Variants in TIAM1 observed in about 807,000 individuals in gnomAD.
TIAM1 encodes TIAM Rac1 associated GEF 1, also known as rho guanine nucleotide exchange factor TIAM1.
Under a neutral mutation model 163.5 loss-of-function variants are expected in TIAM1, and 65 were observed. The observed-to-expected ratio is 0.40, with a 90% CI of 0.33 to 0.49. The LOEUF is 0.49. Ranked by LOEUF, TIAM1 falls within the 20% of genes least tolerant of loss-of-function variation. The pLI, the probability that TIAM1 is intolerant of heterozygous loss-of-function variation, is 0.77. For synonymous variants in TIAM1, 833 were observed against 810.1 expected (o/e 1.03, Z -0.48); for missense variants, 1,789 against 2,044.7 (o/e 0.87, Z 2.41).
chr21:31,507,956 T>C (rs988747329), intron 1 of TIAM1, among the ~76,000 whole-genome samples: 6 of 152,178 alleles, frequency 3.9e-5, no homozygotes, highest in African/African-American at 1.4e-4. Context: ...ATAATCAAGT[T>C]AAGATGAAGT....
intron 1 of TIAM1, among the ~76,000 whole-genome samples, chr21:31,516,233 G>A (rs776637891): frequency 6.6e-6 from 1 of 151,712 alleles, no homozygotes; most frequent in Non-Finnish European, 1.5e-5. Flanking sequence ...CCAACATGGT[G>A]AAACCCCATC....
intron 1 of TIAM1, among the ~76,000 whole-genome samples, chr21:31,483,688 T>C (rs1358172037): frequency 6.6e-6 from 1 of 152,074 alleles, no homozygotes; most frequent in Non-Finnish European, 1.5e-5. Flanking sequence ...CTAGCTGATA[T>C]CGCAAGAGGC....
chr21:31,166,854 C>T (rs941471426), intron 15 of TIAM1, among the ~76,000 whole-genome samples: 14 of 152,162 alleles, frequency 9.2e-5, no homozygotes, highest in Admixed American at 6.5e-5. Context: ...CAACAGCACT[C>T]AGTGCTCTGA....
chr21:31,463,089 G>A (rs367833535), intron 2 of TIAM1, among the ~76,000 whole-genome samples: 2 of 152,154 alleles, frequency 1.3e-5, no homozygotes, highest in South Asian at 2.1e-4. Context: ...GGCTGGGGAC[G>A]CAGGCTGTGG....
chr21:31,499,378 G>A (rs62222865), intron 1 of TIAM1, among the ~76,000 whole-genome samples: 46,598 of 151,360 alleles, frequency 0.31, 8,037 homozygotes, highest in East Asian at 0.71. Context: ...TGGGCAACAC[G>A]GTGAAATCGC....
Position 31,228,212 on chromosome 21 carries a change from CCTTT to C in TIAM1, c.1585-2266_1585-2263del, listed in dbSNP as rs1268922689. 6.9e-4 allele frequency among the ~76,000 whole-genome samples: 13 copies of C among 18,812 alleles called. No homozygotes were observed. The Admixed American group carries it at 0.011, about 16-fold the overall frequency. 12.3% of individuals were successfully genotyped at this position (18,812 alleles called of 152,430 possible). On this transcript the variant is annotated intron_variant, in intron 6 of 27. Coordinates refer to ENST00000541036, the MANE Select transcript of TIAM1 (RefSeq NM_001353694.2). ...AGGTGTGAGCCACCATGCCCGGCCTCCTTTTTTTAAAAAAAAAAAAAAAAAAAAA... is the reference window on the plus strand; with the variant it reads ...AGGTGTGAGCCACCATGCCCGGCCTCTTTTAAAAAAAAAAAAAAAAAAAAA...
chr21:31,465,470 T>C (rs2045489193), intron 1 of TIAM1, among the ~76,000 whole-genome samples: 1 of 152,082 alleles, frequency 6.6e-6, no homozygotes, highest in African/African-American at 2.4e-5. Context: ...GAGTAAAAGC[T>C]GAGGCAGATT....
chr21:31,222,696 TATATATATATA>T (rs1383366487), intron 8 of TIAM1, among the ~76,000 whole-genome samples: 527 of 39,712 alleles, frequency 0.013, 1 homozygote, highest in Non-Finnish European at 0.019. Flanking sequence ...TATATATATA[TATATATATATA>T]TTTTTTTTTT....
At chr21:31,379,072 A>G (rs1405104390) in intron 2 of TIAM1, among the ~76,000 whole-genome samples, 2 of 152,168 alleles carry the variant, frequency 1.3e-5, no homozygotes, top group African/African-American at 4.8e-5. Context: ...CCCGGGTTCA[A>G]GCGATTCTCC....
intron 1 of TIAM1, among the ~76,000 whole-genome samples, chr21:31,535,389 A>G (rs1027654653): frequency 6.8e-6 from 1 of 146,956 alleles, no homozygotes; most frequent in Non-Finnish European, 1.5e-5. Context: ...TCAAAAAAAA[A>G]AAAAAAAAAA....
rs1448124217 is a variant in TIAM1 at position 31,252,124 on chromosome 21, C to T, written c.1029G>A (p.Thr343=). 1.9e-6 allele frequency: 3 copies of T among 1,612,694 alleles called. No individual in the cohort carries two copies. Among genetic ancestry groups the T allele is most frequent in the Non-Finnish European group, 2.5e-6 (3 of 1,180,034 alleles). The change falls in exon 5 of 28, where the codon ACG becomes ACA. Residue 343 remains threonine, a synonymous_variant. Coordinates refer to ENST00000541036, the MANE Select transcript of TIAM1 (RefSeq NM_001353694.2). The part of the protein sequence containing the change: ...DSGIEGATTD[T]DLLSRRSNAT... ...CATTAGATCGCCTGGACAGGAGGTC[C>T]GTGTCGGTAGTGGCCCCTTCAATCC...
chr21:31,479,090 G>C (rs948795402), intron 1 of TIAM1, among the ~76,000 whole-genome samples: 10 of 152,204 alleles, frequency 6.6e-5, no homozygotes. Context: ...AACAAAAACA[G>C]CTTCGTGAGC....
At chr21:31,292,381 T>C (rs1234606306) in intron 2 of TIAM1, among the ~76,000 whole-genome samples, 2 of 151,654 alleles carry the variant, frequency 1.3e-5, no homozygotes, top group Non-Finnish European at 2.9e-5. Flanking sequence ...CTTTTTTTTT[T>C]TTTTTTGAGA....
At chr21:31,557,822 G>A (rs1460033860) in intron 1 of TIAM1, among the ~76,000 whole-genome samples, 1 of 152,184 alleles carries the variant, frequency 6.6e-6, no homozygotes, top group Admixed American at 6.5e-5. Context: ...GGCAAGACCA[G>A]GAGACGCGAC....
chr21:31,297,192 A>T (rs2074310389), intron 2 of TIAM1, among the ~76,000 whole-genome samples: 1 of 152,252 alleles, frequency 6.6e-6, no homozygotes, highest in Non-Finnish European at 1.5e-5. Flanking sequence ...TATACTTGAA[A>T]ACATTATGCT....
At chr21:31,173,661 A>T (rs2084628781) in intron 15 of TIAM1, among the ~76,000 whole-genome samples, 1 of 152,220 alleles carries the variant, frequency 6.6e-6, no homozygotes, top group African/African-American at 2.4e-5. Context: ...TCCTATAAAG[A>T]GAAATTTAAA....
intron 13 of TIAM1, among the ~76,000 whole-genome samples, chr21:31,193,191 C>T (rs1016622369): frequency 6.6e-6 from 1 of 152,232 alleles, no homozygotes; most frequent in East Asian, 1.9e-4. Flanking sequence ...AGCGTTAACA[C>T]AGCAGGCATG....
At chr21:31,196,571 C>T (rs1023739627) in intron 12 of TIAM1, among the ~76,000 whole-genome samples, 1 of 151,658 alleles carries the variant, frequency 6.6e-6, no homozygotes, top group Non-Finnish European at 1.5e-5. Context: ...CCGCCCACCT[C>T]AGCCTCCCAA....
chr21:31,550,979 G>A lies in TIAM1; in HGVS notation c.-422+7948C>T, dbSNP rs1429412126. ...TAATCCCAGCACTTTGGGAGGCTTG[G>A]AGGAGAGTGGATCATGAGGTCAGGA... On this transcript the variant is annotated intron_variant, in intron 1 of 28. Transcript: ENST00000286827. 2.6e-5 allele frequency among the ~76,000 whole-genome samples: 4 copies of A among 152,180 alleles called. No homozygotes were observed. In the South Asian group the frequency reaches 6.2e-4, roughly 24 times the overall value.
Sources: allele counts gnomAD v4.1 joint callset (sites outside exome capture counted in the v4.1 genomes callset), GRCh38; gene constraint gnomAD v4.1.1; transcripts MANE v1.5; gene names NCBI Gene and HGNC (gene_info 2026-07-23, HGNC 2026-07-21).